BCR: variants seen among roughly 807,000 people sequenced by gnomAD.
The protein encoded by BCR is BCR activator of RhoGEF and GTPase.
Under a neutral mutation model 138.6 loss-of-function variants are expected in BCR, and 58 were observed. The ratio of observed to expected loss-of-function variants is 0.42; its 90% CI spans 0.34 to 0.52. The LOEUF is 0.52. Ranked by LOEUF, BCR falls within the 20% of genes least tolerant of loss-of-function variation. The pLI is 0.06. For synonymous variants in BCR, 786 were observed against 730.1 expected (o/e 1.08, Z -1.23); for missense variants, 1,599 against 1,727.2 (o/e 0.93, Z 1.32).
intron 1 of BCR, among the ~76,000 whole-genome samples, chr22:23,242,662 T>C (rs2073106657): frequency 1.3e-5 from 2 of 152,170 alleles, no homozygotes; most frequent in Admixed American, 1.3e-4. Context: ...ACTCTGCCCC[T>C]CCAAAGCCCT....
Position 23,180,942 on chromosome 22 carries a change from A to T in BCR, c.-19A>T, listed in dbSNP as rs771287353. On this transcript the variant is annotated 5_prime_UTR_variant, in exon 1 of 23. Coordinates refer to ENST00000305877, the MANE Select transcript of BCR (RefSeq NM_004327.4). ...GGCCCCGCGCGCAGCCCGGCGGCGC[A>T]GGTAAGGCCGGCCGCGCCATGGTGG... 8.2e-7 allele frequency: 1 copy of T among 1,215,176 alleles called. No homozygotes were observed. The highest frequency in any genetic ancestry group is 2.9e-5 in the South Asian group (1 of 35,020). 75.3% of individuals were successfully genotyped at this position (1,215,176 alleles called of 1,614,324 possible).
rs529398786 is a variant in BCR at position 23,311,835 on chromosome 22, C to T, written c.3321C>T (p.Val1107=). 3.1e-6 allele frequency: 5 copies of T among 1,611,722 alleles called. No individual in the cohort carries two copies. The highest frequency in any genetic ancestry group is 4.2e-6 in the Non-Finnish European group (5 of 1,179,854). ...AGGCACTGAAGGCAGCCTTCGACGT[C>T]AGTGAGTGTTGGCCTGCGCAGGACG... ...DIQALKAAFD[V]NNKDVSVMMS... is the part of the protein sequence containing the mutation. Residue 1107 remains valine, a splice_region_variant and synonymous_variant, in exon 19 of 23, where the codon GTC becomes GTT. Coordinates refer to ENST00000305877, the MANE Select transcript of BCR (RefSeq NM_004327.4).
intron 19 of BCR, chr22:23,312,611 C>T: frequency 2.0e-6 from 1 of 498,856 alleles, no homozygotes; most frequent in Non-Finnish European, 3.7e-6. Context: ...CACCCAATCC[C>T]CACGCAGGCG....
chr22:23,241,476 C>T (rs1450618948), intron 1 of BCR, among the ~76,000 whole-genome samples: 2 of 151,274 alleles, frequency 1.3e-5, no homozygotes, highest in South Asian at 4.2e-4. Context: ...ACTTTCAGAC[C>T]TCACTCCCCA....
chr22:23,269,618 C>G (rs1219629818), intron 5 of BCR, among the ~76,000 whole-genome samples: 1 of 152,196 alleles, frequency 6.6e-6, no homozygotes, highest in African/African-American at 2.4e-5. Flanking sequence ...TGTGGGGCAC[C>G]CTGCTCCGCC....
intron 14 of BCR, 75 bp from the exon 15 acceptor site, chr22:23,292,466 A>G (rs1365261403): frequency 2.7e-5 from 28 of 1,049,820 alleles, no homozygotes; most frequent in Admixed American, 9.1e-5. Context: ...TCTGCAAATA[A>G]CACCTGCTCT....
rs1185757058 is a variant in BCR at position 23,297,012 on chromosome 22, T to C, written c.3012+1857T>C. Among the ~76,000 whole-genome samples, 4 of 152,112 alleles carry C rather than the reference T, an allele frequency of 2.6e-5. No individual in the cohort carries two copies. The East Asian group carries it at 7.7e-4, about 29-fold the overall frequency. ...GATGGTCACGGCTCAGGTTCTTTTT[T>C]ACACGTGCTTGCTTTGGTTGTTGTT... On this transcript the variant is annotated intron_variant, in intron 16 of 22. Transcript: ENST00000305877.
intron 16 of BCR, among the ~76,000 whole-genome samples, chr22:23,308,749 G>GTCAA (rs2073975387): frequency 6.6e-6 from 1 of 152,192 alleles, no homozygotes; most frequent in African/African-American, 2.4e-5. Context: ...ATGTGGCTTG[G>GTCAA]TCATGACAGG....
rs376339116 is a variant in BCR at position 23,293,326 on chromosome 22, C to T, written c.2880+688C>T. Among the ~76,000 whole-genome samples, 70 of 152,248 alleles carry T rather than the reference C, an allele frequency of 4.6e-4. No individual in the cohort carries two copies. The East Asian group carries it at 9.7e-3, about 21-fold the overall frequency. ...GAGCTGCCTCCCACCCCTGCTCCTG[C>T]GAAGGAGGAAGCCAAGAGCCCCCAG... On this transcript the variant is annotated intron_variant, in intron 15 of 22. Transcript: ENST00000305877.
At chr22:23,246,766 G>GT (rs1568952583) in intron 1 of BCR, among the ~76,000 whole-genome samples, 1 of 151,960 alleles carries the variant, frequency 6.6e-6, no homozygotes, top group Admixed American at 6.6e-5. Context: ...AGGGTGGTGG[G>GT]TTTTTTTTGC....
chr22:23,297,208 TTTTTTGTTTTTTG>T (rs1568979537), intron 16 of BCR, among the ~76,000 whole-genome samples: 1 of 106,622 alleles, frequency 9.4e-6, no homozygotes. Context: ...GGCTAAGTTG[TTTTTTGTTTTTTG>T]TTTTTTTTTT....
intron 1 of BCR, among the ~76,000 whole-genome samples, chr22:23,195,380 A>G (rs1421764222): frequency 1.4e-5 from 2 of 145,274 alleles, no homozygotes; most frequent in Admixed American, 7.3e-5. Flanking sequence ...AGATCGCGCC[A>G]TTGCACTTGA....
chr22:23,189,381 C>T (rs1447098667), intron 1 of BCR, among the ~76,000 whole-genome samples: 1 of 152,174 alleles, frequency 6.6e-6, no homozygotes, highest in Non-Finnish European at 1.5e-5. Flanking sequence ...ATGATTTTGC[C>T]TCTCCTAGAT....
chr22:23,181,093 C>T lies in BCR; in HGVS notation c.133C>T (p.Leu45=), dbSNP rs766098255. 3.3e-6 allele frequency: 5 copies of T among 1,514,838 alleles called. No homozygotes were observed. Among genetic ancestry groups the T allele is most frequent in the African/African-American group, 2.8e-5 (2 of 70,570 alleles). 93.8% of individuals were successfully genotyped at this position (1,514,838 alleles called of 1,614,324 possible). A position where few individuals can be genotyped will look rare whatever the true frequency, so the allele number is the denominator to read the frequency against. ...LERCKASIRR[L]EQEVNQERFR... ...GCGCTGCAAGGCCTCCATTCGGCGC[C>T]TGGAGCAGGAGGTGAACCAGGAGCG... is the stretch of plus-strand genomic sequence containing the variant. Residue 45 remains leucine (L), a synonymous_variant, in exon 1 of 23, where the codon CTG becomes TTG. Coordinates refer to ENST00000305877, the MANE Select transcript of BCR (RefSeq NM_004327.4).
chr22:23,307,060 A>C (rs1387397404), intron 16 of BCR, among the ~76,000 whole-genome samples: 1 of 152,182 alleles, frequency 6.6e-6, no homozygotes, highest in South Asian at 2.1e-4. Flanking sequence ...AAAGGTAAGA[A>C]TGTCTCCTGC....
At chr22:23,275,310 G>A (rs568479620) in intron 8 of BCR, among the ~76,000 whole-genome samples, 10 of 152,370 alleles carry the variant, frequency 6.6e-5, no homozygotes, top group Non-Finnish European at 7.3e-5. Context: ...CGTGAGGACC[G>A]ACCCACTGGG....
intron 1 of BCR, among the ~76,000 whole-genome samples, chr22:23,247,413 T>C (rs1275146295): frequency 6.6e-6 from 1 of 152,174 alleles, no homozygotes; most frequent in African/African-American, 2.4e-5. Flanking sequence ...TCCACCCAAA[T>C]TCCTCCCAGT....
chr22:23,193,127 G>A (rs2072435645), intron 1 of BCR, among the ~76,000 whole-genome samples: 1 of 152,246 alleles, frequency 6.6e-6, no homozygotes, highest in Non-Finnish European at 1.5e-5. Context: ...GGCCTGACAT[G>A]CTTCCGTGTT....
intron 1 of BCR, among the ~76,000 whole-genome samples, chr22:23,199,590 T>C (rs1480382287): frequency 1.3e-5 from 2 of 152,144 alleles, no homozygotes; most frequent in Non-Finnish European, 2.9e-5. Flanking sequence ...GGGTGGAAAC[T>C]ATTGCAGTCA....
Sources: gnomAD v4.1 joint callset for allele counts (sites outside exome capture counted in the v4.1 genomes callset) on GRCh38, gnomAD v4.1.1 for gene constraint, MANE v1.5 for transcripts, NCBI Gene and HGNC (gene_info 2026-07-23, HGNC 2026-07-21) for gene names.